The following SLC1A5 variants were observed in gnomAD, a reference collection of about 807,000 sequenced individuals.
SLC1A5 encodes the protein solute carrier family 1 member 5.
A neutral mutation model predicts 34.9 loss-of-function variants in SLC1A5; 25 were observed. That is an observed-to-expected ratio of 0.72 (90% CI 0.52 to 1.00). The LOEUF is 1.00. Among genes scored for constraint, SLC1A5 ranks in the 50% least tolerant of loss-of-function variants. SLC1A5 has a pLI of 0.00. For missense variants in SLC1A5, 637 were observed against 740.0 expected, an observed-to-expected ratio of 0.86 and a Z score of 1.61; for synonymous variants, 351 against 341.2, an observed-to-expected ratio of 1.03 and a Z score of -0.32.
chr19:46,780,520 C>T (rs1370549542), intron 4 of SLC1A5, among the ~76,000 whole-genome samples: 2 of 151,778 alleles, frequency 1.3e-5, no homozygotes, highest in East Asian at 2.0e-4. Context: ...CCATTCCCAG[C>T]TAATATTTGT....
At chr19:46,778,485 G>C (rs912113990) in intron 5 of SLC1A5, among the ~76,000 whole-genome samples, 190 bp downstream of exon 5, 7 of 152,168 alleles carry the variant, frequency 4.6e-5, no homozygotes, top group African/African-American at 1.7e-4. Context: ...GTGTAAGAAA[G>C]AGGGAAATAA....
intron 7 of SLC1A5, 137 bp downstream of exon 7, chr19:46,776,838 A>G: frequency 1.0e-6 from 1 of 958,154 alleles, no homozygotes; most frequent in Middle Eastern, 2.6e-4. Context: ...GGAATGCTCA[A>G]GGTTCCCCCC....
chr19:46,781,370 G>A (rs1167009039), intron 4 of SLC1A5, among the ~76,000 whole-genome samples: 2 of 152,140 alleles, frequency 1.3e-5, no homozygotes. Context: ...AGGCCGAGGT[G>A]GGCGGATCAC....
At chr19:46,783,123 T>C (rs141663154) in intron 3 of SLC1A5, among the ~76,000 whole-genome samples, 1 of 152,280 alleles carries the variant, frequency 6.6e-6, no homozygotes, top group East Asian at 1.9e-4. Context: ...CTGAGGCACA[T>C]GGCAGGGCTC....
intron 5 of SLC1A5, 140 bp from the exon 6 acceptor site, chr19:46,777,545 C>T: frequency 6.7e-6 from 5 of 748,658 alleles, no homozygotes; most frequent in Non-Finnish European, 1.1e-5. Flanking sequence ...TGGATCCCCA[C>T]CAGAGCCTGC....
At chr19:46,784,248 T>C (rs2055170074) in intron 2 of SLC1A5, 104 bp from the exon 3 acceptor site, 3 of 935,854 alleles carry the variant, frequency 3.2e-6, no homozygotes, top group Middle Eastern at 3.1e-4. Context: ...ATCCTTTCAA[T>C]GTGATCTCAT....
intron 1 of SLC1A5, 28 bp from the exon 2 acceptor site, chr19:46,784,587 T>C (rs200279105): frequency 6.2e-7 from 1 of 1,613,958 alleles, no homozygotes; most frequent in East Asian, 2.2e-5. Flanking sequence ...CAGAGGGTTA[T>C]TAGATACCAT....
At chr19:46,784,269 G>A in intron 2 of SLC1A5, 125 bp from the exon 3 acceptor site, 1 of 843,214 alleles carries the variant, frequency 1.2e-6, no homozygotes, top group African/African-American at 1.7e-5. Context: ...TTCATCTGCT[G>A]GCAACCCCAT....
chr19:46,782,828 A>G (rs964827731), intron 3 of SLC1A5, among the ~76,000 whole-genome samples: 5 of 152,198 alleles, frequency 3.3e-5, no homozygotes, highest in African/African-American at 1.2e-4. Flanking sequence ...GACTTCCTGG[A>G]GGAAGGAGCA....
chr19:46,783,778 T>A (rs1347708953), intron 3 of SLC1A5, among the ~76,000 whole-genome samples: 1 of 151,744 alleles, frequency 6.6e-6, no homozygotes, highest in African/African-American at 2.4e-5. Context: ...TGGAGAGAGA[T>A]CCTGTGTCAG....
At position 46,787,976 on chromosome 19, in the gene SLC1A5, A is replaced by T; in HGVS notation, c.-11T>A. On this transcript the variant is annotated 5_prime_UTR_variant, in exon 1 of 8. Coordinates refer to ENST00000542575, the MANE Select transcript of SLC1A5 (RefSeq NM_005628.3). This position sits in a 1 kb window ranked among gnomAD's most constrained non-coding sequence, Gnocchi z 5.2. ...AGGATCGGCCACCATGATGGGAAGC[A>T]CCGGGGTTTCTTAGCGCCTGGAAGC... The T allele has an allele frequency of 6.5e-7, 1 of 1,542,516 alleles. No homozygotes were observed.
chr19:46,782,346 A>AACCCCCCCACC, intron 4 of SLC1A5, 37 bp downstream of exon 4: 9 of 567,982 alleles, frequency 1.6e-5, no homozygotes, highest in South Asian at 5.3e-5. Flanking sequence ...CGACCCTCCA[A>AACCCCCCCACC]CCCCACCCAC....
intron 7 of SLC1A5, 93 bp downstream of exon 7, chr19:46,776,880 CCT>C: frequency 7.5e-7 from 1 of 1,328,782 alleles, no homozygotes; most frequent in Non-Finnish European, 1.0e-6. Context: ...TTCTTCTCTT[CCT>C]CTTCTGTCCA....
At chr19:46,779,323 C>G (rs1286231327) in intron 4 of SLC1A5, among the ~76,000 whole-genome samples, 1 of 151,196 alleles carries the variant, frequency 6.6e-6, no homozygotes, top group East Asian at 1.9e-4. Context: ...ACTTGGGAGG[C>G]TCAGGCAGGA....
rs1164763091 is a variant in SLC1A5, at chr19:46,787,026, A to G, written c.566+374T>C. ...CCCAAACTCTCCAACCCTGGCCCCA[A>G]ATTATATCTAGAAGCCCCATCTTGG... On this transcript the variant is annotated intron_variant, in intron 1 of 7. Transcript: ENST00000542575. This position sits in a 1 kb window ranked among gnomAD's most constrained non-coding sequence, Gnocchi z 5.2. Among the ~76,000 whole-genome samples the G allele has an allele frequency of 6.6e-6, 1 of 151,762 alleles. No homozygotes were observed. The highest frequency in any genetic ancestry group is 1.5e-5 in the Non-Finnish European group (1 of 67,916).
Position 46,778,761 on chromosome 19 carries a change from G to C in SLC1A5, c.972C>G (p.Ile324Met). The C allele has an allele frequency of 6.2e-7, 1 of 1,613,912 alleles. No individual in the cohort carries two copies. Among genetic ancestry groups the C allele is most frequent in the Non-Finnish European group, 8.5e-7 (1 of 1,179,912 alleles). Residue 324 changes from isoleucine to methionine, a missense_variant, in exon 5 of 8, where the codon ATC (isoleucine) becomes ATG (methionine). Coordinates refer to ENST00000542575, the MANE Select transcript of SLC1A5 (RefSeq NM_005628.3). ...AIHGLLVLPL[I>M]YFLFTRKNPY... ...GGTTTTTGCGGGTGAAGAGGAAGTA[G>C]ATGAGGGGCAGTACCAGGAGCCCAT...
rs1025926776 is a variant in SLC1A5 at position 46,782,303 on chromosome 19, C to T, written c.824+80G>A. The T allele has an allele frequency of 2.4e-5, 31 of 1,309,048 alleles. No individual in the cohort carries two copies. In the Middle Eastern group the frequency reaches 7.9e-4, roughly 33 times the overall value. The allele number at this position is 1,309,048 out of a possible 1,614,324, so 81.1% of individuals were successfully genotyped here. A position where few individuals can be genotyped will look rare whatever the true frequency, so the allele number is the denominator to read the frequency against. ...TGAATAGAGGGTGCCCCATCCCAAACAGAATGCCCCGCACCTGCCTCTGGC... is the reference window on the plus strand; with the variant it reads ...TGAATAGAGGGTGCCCCATCCCAAATAGAATGCCCCGCACCTGCCTCTGGC... On this transcript the variant is annotated intron_variant, in intron 4 of 7. Coordinates refer to ENST00000542575, the MANE Select transcript of SLC1A5 (RefSeq NM_005628.3).
chr19:46,786,053 CAAAAAAA>C (rs34681600), intron 1 of SLC1A5, among the ~76,000 whole-genome samples: 1 of 102,656 alleles, frequency 9.7e-6, no homozygotes, highest in African/African-American at 3.5e-5. Flanking sequence ...GAGACTGTCT[CAAAAAAA>C]AAAAAAAAAA....
At chr19:46,782,628 A>G (rs1280278116) in intron 3 of SLC1A5, 79 bp from the exon 4 acceptor site, 4 of 1,539,436 alleles carry the variant, frequency 2.6e-6, no homozygotes, top group Non-Finnish European at 3.5e-6. Context: ...CCTTGGCACC[A>G]CTGGGACCCA....
Sources: allele counts gnomAD v4.1 joint callset (sites outside exome capture counted in the v4.1 genomes callset), GRCh38; gene constraint gnomAD v4.1.1; non-coding constraint Gnocchi (gnomAD v3.1); transcripts MANE v1.5; gene names NCBI Gene and HGNC (gene_info 2026-07-23, HGNC 2026-07-21).